The following FIGN variants were observed in gnomAD, a reference collection of about 807,000 sequenced individuals.
FIGN encodes fidgetin.
Under a neutral mutation model 51.3 loss-of-function variants are expected in FIGN, and 11 were observed. The observed-to-expected ratio is 0.21, with a 90% CI of 0.13 to 0.35. FIGN has a LOEUF of 0.35. Ranked by LOEUF, FIGN falls within the 10% of genes least tolerant of loss-of-function variation. The pLI, the probability that FIGN is intolerant of heterozygous loss-of-function variation, is 1.00. For synonymous variants in FIGN, 407 were observed against 363.2 expected, an observed-to-expected ratio of 1.12 and a Z score of -1.37; for missense variants, 857 against 943.6, an observed-to-expected ratio of 0.91 and a Z score of 1.20.
chr2:163,631,463 A>G (rs1683144632), intron 2 of FIGN, among the ~76,000 whole-genome samples: 1 of 152,076 alleles, frequency 6.6e-6, no homozygotes. Context: ...CCCTAAGATA[A>G]GCTATTTCAG....
chr2:163,631,845 T>C (rs1296547574), intron 2 of FIGN, among the ~76,000 whole-genome samples: 2 of 152,088 alleles, frequency 1.3e-5, no homozygotes, highest in Non-Finnish European at 2.9e-5. Flanking sequence ...AACACATACA[T>C]ATGTCTAAAT....
chr2:163,682,557 T>C lies in FIGN; in HGVS notation c.25+52346A>G, dbSNP rs535637047. On this transcript the variant is annotated intron_variant, in intron 2 of 2. Coordinates refer to ENST00000333129, the MANE Select transcript of FIGN (RefSeq NM_018086.4). ...ACAGGACAGTTTAAAATGGTTTAAA[T>C]ATAATCAAATAAATTACCTTTACAG... Among the ~76,000 whole-genome samples the C allele has an allele frequency of 1.3e-3, 201 of 152,300 alleles. 1 individual carries two copies. Among genetic ancestry groups the C allele is most frequent in the African/African-American group, 4.6e-3 (191 of 41,564 alleles).
intron 2 of FIGN, among the ~76,000 whole-genome samples, chr2:163,621,758 C>T (rs534178075): frequency 6.6e-6 from 1 of 152,202 alleles, no homozygotes; most frequent in East Asian, 1.9e-4. Flanking sequence ...CAGTCATTAG[C>T]GCGGTTGGCT....
chr2:163,661,645 A>G (rs1437936242), intron 2 of FIGN, among the ~76,000 whole-genome samples: 3 of 152,184 alleles, frequency 2.0e-5, no homozygotes, highest in Non-Finnish European at 2.9e-5. Flanking sequence ...CTTGAATTGT[A>G]TCTTTCAGAA....
At chr2:163,689,825 G>C (rs1206984671) in intron 2 of FIGN, among the ~76,000 whole-genome samples, 1 of 152,058 alleles carries the variant, frequency 6.6e-6, no homozygotes, top group Non-Finnish European at 1.5e-5. Flanking sequence ...GGTCCCCATG[G>C]GAGTGTCGCA....
chr2:163,700,174 T>G (rs1320270867), intron 2 of FIGN, among the ~76,000 whole-genome samples: 1 of 152,174 alleles, frequency 6.6e-6, no homozygotes, highest in Non-Finnish European at 1.5e-5. Context: ...GACATTGTGA[T>G]TAGTTATAAC....
intron 2 of FIGN, among the ~76,000 whole-genome samples, chr2:163,665,112 T>C (rs1683752417): frequency 6.6e-6 from 1 of 152,270 alleles, no homozygotes. Flanking sequence ...TTTCACAGTC[T>C]TTTGCACATT....
At chr2:163,651,672 T>G (rs1029738063) in intron 2 of FIGN, among the ~76,000 whole-genome samples, 11 of 152,212 alleles carry the variant, frequency 7.2e-5, no homozygotes, top group Non-Finnish European at 1.5e-5. Context: ...AAATTCATAT[T>G]GTTGATACTC....
At chr2:163,672,758 G>A (rs1400642448) in intron 2 of FIGN, among the ~76,000 whole-genome samples, 1 of 152,174 alleles carries the variant, frequency 6.6e-6, no homozygotes, top group Non-Finnish European at 1.5e-5. Flanking sequence ...GTTGTTCATA[G>A]AGTCATATGT....
chr2:163,636,612 T>A (rs1683229690), intron 2 of FIGN, among the ~76,000 whole-genome samples: 1 of 152,116 alleles, frequency 6.6e-6, no homozygotes, highest in Non-Finnish European at 1.5e-5. Context: ...ATGAAGATGG[T>A]ATGGATGAGC....
chr2:163,611,885 T>C, intron 2 of FIGN, 79 bp from the exon 3 acceptor site: 1 of 1,233,508 alleles, frequency 8.1e-7, no homozygotes, highest in Non-Finnish European at 1.1e-6. Flanking sequence ...CAATTTCTTT[T>C]GTTACCTATT....
At chr2:163,679,835 T>C (rs1684031393) in intron 2 of FIGN, among the ~76,000 whole-genome samples, 1 of 152,200 alleles carries the variant, frequency 6.6e-6, no homozygotes, top group Non-Finnish European at 1.5e-5. Flanking sequence ...TTCTAACTTA[T>C]CTTAAAAAAA....
chr2:163,682,959 A>C (rs781012992), intron 2 of FIGN, among the ~76,000 whole-genome samples: 1 of 152,156 alleles, frequency 6.6e-6, no homozygotes, highest in Non-Finnish European at 1.5e-5. Flanking sequence ...GGGGTTGTCA[A>C]AGTTTCTTCT....
chr2:163,650,163 C>G (rs1683448357), intron 2 of FIGN, among the ~76,000 whole-genome samples: 1 of 151,958 alleles, frequency 6.6e-6, no homozygotes, highest in Non-Finnish European at 1.5e-5. Context: ...AGAATAGATG[C>G]AGTATTTCCT....
rs142680922 is a variant in FIGN at position 163,651,054 on chromosome 2, A to AGAT, written c.26-39251_26-39249dup. ...AGAAACACAACAAAAAATGTTGGAT[A>AGAT]GATACTGCAATTAAGTAACGTTCTG... On this transcript the variant is annotated intron_variant, in intron 2 of 2. Transcript: ENST00000333129. Among the ~76,000 whole-genome samples the AGAT allele has an allele frequency of 3.0e-4, 46 of 152,356 alleles. 1 individual carries two copies. The East Asian group carries it at 8.7e-3, about 29-fold the overall frequency.
intron 2 of FIGN, among the ~76,000 whole-genome samples, chr2:163,617,706 G>A (rs1682903176): frequency 6.6e-6 from 1 of 152,080 alleles, no homozygotes; most frequent in Non-Finnish European, 1.5e-5. Flanking sequence ...AAGACCACTG[G>A]CAGCATTGCT....
At chr2:163,723,771 C>T (rs1272566306) in intron 2 of FIGN, among the ~76,000 whole-genome samples, 1 of 152,156 alleles carries the variant, frequency 6.6e-6, no homozygotes, top group Non-Finnish European at 1.5e-5. Context: ...AAATCTCTTA[C>T]AAGAGAAAAG....
At chr2:163,726,221 T>C (rs1346455988) in intron 2 of FIGN, among the ~76,000 whole-genome samples, 1 of 152,114 alleles carries the variant, frequency 6.6e-6, no homozygotes, top group Non-Finnish European at 1.5e-5. Flanking sequence ...ATTTGGGTCC[T>C]ATCAGTATTT....
At chr2:163,686,998 T>A (rs2105342751) in intron 2 of FIGN, among the ~76,000 whole-genome samples, 1 of 151,374 alleles carries the variant, frequency 6.6e-6, no homozygotes, top group East Asian at 1.9e-4. Context: ...TTATGATGTA[T>A]GTGTGAGATT....
Sources: allele counts gnomAD v4.1 joint callset (sites outside exome capture counted in the v4.1 genomes callset), GRCh38; gene constraint gnomAD v4.1.1; transcripts MANE v1.5; gene names NCBI Gene and HGNC (gene_info 2026-07-23, HGNC 2026-07-21).